PIBF1: variants seen among roughly 807,000 people sequenced by gnomAD.
PIBF1 encodes the protein progesterone-induced-blocking factor 1.
A neutral mutation model predicts 112.5 loss-of-function variants in PIBF1; 90 were observed. The ratio of observed to expected loss-of-function variants is 0.80; its 90% CI spans 0.67 to 0.95. PIBF1 has a LOEUF of 0.95. PIBF1 is among the 40% of genes least tolerant of loss of function. The probability of loss-of-function intolerance (pLI) is 0.00; values close to 1 mark genes in which losing one functional copy is unlikely to be tolerated. For missense variants in PIBF1, 915 were observed against 852.3 expected (o/e 1.07, Z -0.92); for synonymous variants, 301 against 288.6 (o/e 1.04, Z -0.44).
At chr13:72,908,331 T>G (rs1311928972) in intron 11 of PIBF1, among the ~76,000 whole-genome samples, 200 bp from the exon 12 acceptor site, 1 of 152,174 alleles carries the variant, frequency 6.6e-6, no homozygotes, top group Non-Finnish European at 1.5e-5. Flanking sequence ...AGGTACTTCA[T>G]AATTTTCAGT....
chr13:73,010,763 T>G (rs529248910), intron 17 of PIBF1, among the ~76,000 whole-genome samples: 1 of 146,648 alleles, frequency 6.8e-6, no homozygotes, highest in Non-Finnish European at 1.5e-5. Context: ...GACTTTTCCT[T>G]ATCTTAACAA....
At chr13:72,849,909 T>C (rs2038053001) in intron 9 of PIBF1, among the ~76,000 whole-genome samples, 1 of 152,204 alleles carries the variant, frequency 6.6e-6, no homozygotes, top group African/African-American at 2.4e-5. Flanking sequence ...TGTGGGATTG[T>C]TGTGACAATT....
chr13:72,932,065 C>T (rs937774573), intron 14 of PIBF1, among the ~76,000 whole-genome samples: 18 of 151,434 alleles, frequency 1.2e-4, no homozygotes, highest in African/African-American at 4.1e-4. Flanking sequence ...CCTCAGCCTC[C>T]CAAGTAGCTG....
At chr13:72,992,254 C>T (rs2043505460) in intron 16 of PIBF1, among the ~76,000 whole-genome samples, 1 of 152,142 alleles carries the variant, frequency 6.6e-6, no homozygotes, top group Non-Finnish European at 1.5e-5. Context: ...TGAGGGAAGG[C>T]ACTTTTACAG....
At chr13:72,882,704 TC>T (rs1272723262) in intron 10 of PIBF1, among the ~76,000 whole-genome samples, 1 of 152,194 alleles carries the variant, frequency 6.6e-6, no homozygotes, top group African/African-American at 2.4e-5. Context: ...ATATCACTGA[TC>T]ATCAGAGAAA....
chr13:72,951,315 A>C (rs2042290301), intron 14 of PIBF1, among the ~76,000 whole-genome samples: 1 of 152,224 alleles, frequency 6.6e-6, no homozygotes, highest in Non-Finnish European at 1.5e-5. Flanking sequence ...TTCTGGAACC[A>C]GACTCACTGG....
intron 15 of PIBF1, among the ~76,000 whole-genome samples, chr13:72,966,951 T>TC (rs1445941418): frequency 6.6e-6 from 1 of 151,890 alleles, no homozygotes; most frequent in African/African-American, 2.4e-5. Context: ...CTTTTTTTTT[T>TC]TTTTGAAACG....
At chr13:72,869,683 A>G (rs1260872418) in intron 10 of PIBF1, among the ~76,000 whole-genome samples, 1 of 151,998 alleles carries the variant, frequency 6.6e-6, no homozygotes, top group African/African-American at 2.4e-5. Context: ...GAAAGTTATT[A>G]GCTCTGATCG....
chr13:72,977,132 G>A (rs1486543562), intron 16 of PIBF1, among the ~76,000 whole-genome samples: 1 of 152,162 alleles, frequency 6.6e-6, no homozygotes, highest in Non-Finnish European at 1.5e-5. Flanking sequence ...ACTTTTTAAA[G>A]TTTCTTATTT....
chr13:72,877,843 T>C (rs1027278722), intron 10 of PIBF1, among the ~76,000 whole-genome samples: 2 of 151,512 alleles, frequency 1.3e-5, no homozygotes, highest in African/African-American at 4.8e-5. Context: ...TCCGCCTCTC[T>C]GGTTCAAGCA....
chr13:72,831,629 A>T (rs972157792), intron 8 of PIBF1, among the ~76,000 whole-genome samples: 4 of 152,070 alleles, frequency 2.6e-5, no homozygotes, highest in African/African-American at 9.7e-5. Flanking sequence ...GTTCTGAGAG[A>T]CAGTTTGTTA....
intron 17 of PIBF1, among the ~76,000 whole-genome samples, chr13:73,007,239 C>A (rs1021147785): frequency 1.8e-4 from 27 of 150,868 alleles, no homozygotes; most frequent in African/African-American, 6.6e-4. Flanking sequence ...AGAAACACTG[C>A]TGATCAAAGA....
intron 9 of PIBF1, among the ~76,000 whole-genome samples, chr13:72,843,083 G>A (rs2037684293): frequency 6.6e-6 from 1 of 152,164 alleles, no homozygotes; most frequent in Non-Finnish European, 1.5e-5. Context: ...GATTGGGCCA[G>A]ATTTTAAAGG....
intron 13 of PIBF1, among the ~76,000 whole-genome samples, chr13:72,922,692 C>G (rs1206845670): frequency 6.6e-6 from 1 of 152,156 alleles, no homozygotes; most frequent in Non-Finnish European, 1.5e-5. Flanking sequence ...GCAGAGGAAA[C>G]TAGCAAAATT....
At chr13:72,849,769 C>T (rs544479909) in intron 9 of PIBF1, among the ~76,000 whole-genome samples, 2 of 152,326 alleles carry the variant, frequency 1.3e-5, no homozygotes, top group Admixed American at 6.5e-5. Context: ...AGCACAGACT[C>T]TGGAGCCAAA....
chr13:72,819,320 G>C (rs924945826), intron 5 of PIBF1, among the ~76,000 whole-genome samples: 3 of 151,696 alleles, frequency 2.0e-5, no homozygotes, highest in African/African-American at 7.2e-5. Context: ...GCACATCTAA[G>C]CTGTGGATCC....
intron 2 of PIBF1, among the ~76,000 whole-genome samples, chr13:72,787,749 C>G (rs531173385): frequency 8.5e-4 from 129 of 152,260 alleles, no homozygotes; most frequent in African/African-American, 3.0e-3. Flanking sequence ...ACCTTCACTT[C>G]CTGTGTTCAA....
At chr13:72,902,432 A>T (rs904159637) in intron 11 of PIBF1, among the ~76,000 whole-genome samples, 9 of 150,868 alleles carry the variant, frequency 6.0e-5, no homozygotes, top group Non-Finnish European at 1.3e-4. Flanking sequence ...AAAAAAAAAG[A>T]ATTGATTGTT....
chr13:72,897,859 C>T (rs944460509), intron 11 of PIBF1, among the ~76,000 whole-genome samples: 4 of 152,170 alleles, frequency 2.6e-5, no homozygotes, highest in African/African-American at 4.8e-5. Flanking sequence ...TAGTGGGGGA[C>T]TTCAGTACTC....
Sources: allele counts gnomAD v4.1 joint callset (sites outside exome capture counted in the v4.1 genomes callset), GRCh38; gene constraint gnomAD v4.1.1; transcripts MANE v1.5; gene names NCBI Gene and HGNC (gene_info 2026-07-23, HGNC 2026-07-21).